ZNF483: variants seen among roughly 807,000 people sequenced by gnomAD.
ZNF483 encodes the protein zinc finger protein HIT-10.
A neutral mutation model predicts 28.6 loss-of-function variants in ZNF483; 9 were observed. That is an observed-to-expected ratio of 0.32 (90% confidence interval 0.19 to 0.55). ZNF483 has a LOEUF of 0.55. Among genes scored for constraint, ZNF483 ranks in the 20% least tolerant of loss-of-function variants. ZNF483 has a pLI of 0.93. For synonymous variants in ZNF483, 322 were observed against 306.2 expected (o/e 1.05, Z -0.54); for missense variants, 675 against 871.7 (o/e 0.77, Z 2.84).
At chr9:111,535,008 C>A (rs145887351) in intron 5 of ZNF483, among the ~76,000 whole-genome samples, 225 of 152,236 alleles carry the variant, frequency 1.5e-3, no homozygotes, top group African/African-American at 5.3e-3. Flanking sequence ...CAGGTATGAG[C>A]CACCACGCCC....
At chr9:111,562,576 CT>C (rs1378011625) in intron 5 of ZNF483, 8 of 150,000 alleles carry the variant, frequency 5.3e-5, no homozygotes, top group Non-Finnish European at 7.4e-5. Flanking sequence ...GCCCGGCTAA[CT>C]TTTTTTTTTA....
rs1487570179 is a variant in ZNF483 at position 111,574,780 on chromosome 9, T to C, written c.722-1585T>C. On this transcript the variant is annotated intron_variant, in intron 5 of 5. Coordinates refer to the ZNF483 transcript ENST00000358151. ...TGTTATATGTAGAGATGGCTCCACA[T>C]ATGGCAATCCTTCCAAATTTCTTCA... The C allele has an allele frequency of 2.5e-6, 4 of 1,614,042 alleles. No homozygotes were observed. The Admixed American group carries it at 5.0e-5, about 20-fold the overall frequency.
chr9:111,546,805 A>T lies in ZNF483; in HGVS notation c.*3635A>T, dbSNP rs1235159397. Among the ~76,000 whole-genome samples, 1 of 152,090 alleles carries T rather than the reference A, an allele frequency of 6.6e-6. No individual in the cohort carries two copies. Among genetic ancestry groups the T allele is most frequent in the Non-Finnish European group, 1.5e-5 (1 of 67,998 alleles). On this transcript the variant is annotated 3_prime_UTR_variant, in exon 6 of 6. Coordinates refer to ENST00000309235, the MANE Select transcript of ZNF483 (RefSeq NM_133464.5). ...TCTCCAGAACTTTTTCATCATCCCA[A>T]ACTGAAACTCTGTACTCCTTAAACA...
downstream of ZNF483, among the ~76,000 whole-genome samples, chr9:111,556,860 T>C (rs530091425): frequency 9.8e-5 from 15 of 152,366 alleles, no homozygotes; most frequent in South Asian, 3.1e-3. Context: ...CTGTATAGCC[T>C]GCGGAACTGA....
exon 6 of ZNF483, chr9:111,577,283 T>C (rs1180333384): frequency 6.6e-6 from 1 of 152,032 alleles, no homozygotes; most frequent in Non-Finnish European, 1.5e-5. Flanking sequence ...CCTACTAGGA[T>C]GGTTATAATA....
At chr9:111,541,587 A>G (rs1238417336) in intron 5 of ZNF483, 70 bp from the exon 6 acceptor site, 48 of 1,302,678 alleles carry the variant, frequency 3.7e-5, no homozygotes, top group Admixed American at 4.9e-5. Context: ...ATGTGTTCCT[A>G]TTTCAGACCC....
At position 111,552,234 on chromosome 9, in the gene ZNF483, G is replaced by GT. The variant is rs1439869047; in HGVS notation, c.*9065dup. 1.3e-5 allele frequency among the ~76,000 whole-genome samples: 2 copies of GT among 152,068 alleles called. No homozygotes were observed. The highest frequency in any genetic ancestry group is 4.8e-5 in the African/African-American group (2 of 41,412). On this transcript the variant is annotated 3_prime_UTR_variant, in exon 6 of 6. Transcript: ENST00000309235. ...CAGGAAATCCTTATAAAATTCTTTT[G>GT]TAAGTCATCCAGGTAACATTGGTAA...
In ZNF483 at chr9:111,553,569, AATC is replaced by A. The variant is rs764874036; in HGVS notation, c.*10401_*10403del. ...TAGAAAAAAAAATCATCTGAACTCA[AATC>A]AATCTGTTGATACTGACTAGATTGG... is the stretch of plus-strand genomic sequence containing the variant. On this transcript the variant is annotated 3_prime_UTR_variant, in exon 6 of 6. Coordinates refer to ENST00000309235, the MANE Select transcript of ZNF483 (RefSeq NM_133464.5). 1.3e-5 allele frequency among the ~76,000 whole-genome samples: 2 copies of A among 152,228 alleles called. No homozygotes were observed. Among genetic ancestry groups the A allele is most frequent in the Non-Finnish European group, 2.9e-5 (2 of 68,034 alleles).
intron 5 of ZNF483, among the ~76,000 whole-genome samples, chr9:111,535,871 A>G (rs1006490569): frequency 2.7e-5 from 4 of 147,536 alleles, no homozygotes; most frequent in Non-Finnish European, 1.5e-5. Flanking sequence ...ATACTTACCT[A>G]TATCTTACAA....
chr9:111,533,871 G>A lies in ZNF483; in HGVS notation c.628+6G>A. On this transcript the variant is annotated splice_donor_region_variant and intron_variant, in intron 4 of 5. Transcript: ENST00000309235. ...CAGGAACCTAGAATTTCTGGGTAAA[G>A]ACACCTTTTCTTCATTACCTAGCGT... The A allele has an allele frequency of 6.3e-7, 1 of 1,588,204 alleles. No individual in the cohort carries two copies. The highest frequency in any genetic ancestry group is 2.3e-5 in the East Asian group (1 of 44,354).
chr9:111,544,650 T>A lies in ZNF483; in HGVS notation c.*1480T>A, dbSNP rs1256665142. ...CTAAAATCTAAAGAGACTGCACTGA[T>A]AGCAAGTAAAGTTCAGGGAATGAAT... On this transcript the variant is annotated 3_prime_UTR_variant, in exon 6 of 6. Coordinates refer to ENST00000309235, the MANE Select transcript of ZNF483 (RefSeq NM_133464.5). 6.6e-6 allele frequency among the ~76,000 whole-genome samples: 1 copy of A among 152,130 alleles called. No individual in the cohort carries two copies. Among genetic ancestry groups the A allele is most frequent in the African/African-American group, 2.4e-5 (1 of 41,422 alleles).
chr9:111,568,158 C>A (rs1157110777), intron 5 of ZNF483, among the ~76,000 whole-genome samples: 1 of 152,154 alleles, frequency 6.6e-6, no homozygotes, highest in East Asian at 1.9e-4. Flanking sequence ...TTGGGAAAAA[C>A]ACAGCCATAT....
chr9:111,571,231 G>T (rs1392650951), intron 5 of ZNF483, among the ~76,000 whole-genome samples: 2 of 149,188 alleles, frequency 1.3e-5, no homozygotes, highest in Non-Finnish European at 3.0e-5. Context: ...GGCCAACATG[G>T]TGAAACCCTG....
At position 111,544,056 on chromosome 9, in the gene ZNF483, C is replaced by A; in HGVS notation, c.*886C>A. On this transcript the variant is annotated 3_prime_UTR_variant, in exon 6 of 6. Coordinates refer to ENST00000309235, the MANE Select transcript of ZNF483 (RefSeq NM_133464.5). Reference sequence around the variant, plus strand: ...CTTTTCCTTGAGGGAGTATTTTAATCGGACAAGGGAACTCTTTTTCTTTTG... The same window carrying A: ...CTTTTCCTTGAGGGAGTATTTTAATAGGACAAGGGAACTCTTTTTCTTTTG... The A allele has an allele frequency of 1.0e-6, 1 of 985,352 alleles. No individual in the cohort carries two copies. Among genetic ancestry groups the A allele is most frequent in the Non-Finnish European group, 1.2e-6 (1 of 829,926 alleles). The allele number at this position is 985,352 out of a possible 1,614,324, so 61.0% of individuals were successfully genotyped here.
At chr9:111,528,119 C>A in intron 2 of ZNF483, 1 of 1,144,202 alleles carries the variant, frequency 8.7e-7, no homozygotes. Flanking sequence ...CCTTCAAGAA[C>A]ACAAGTTATC....
Position 111,549,643 on chromosome 9 carries a change from G to T in ZNF483, c.*6473G>T. 8.0e-7 allele frequency: 1 copy of T among 1,243,174 alleles called. No individual in the cohort carries two copies. The highest frequency in any genetic ancestry group is 1.1e-6 in the Non-Finnish European group (1 of 887,072). The allele number at this position is 1,243,174 out of a possible 1,614,324, so 77.0% of individuals were successfully genotyped here. ...GCTCTTCTGGGGCAGCGGTCGTGGT[G>T]GTGGTGGCAGCGGCAGCAGGGTTCC... On this transcript the variant is annotated 3_prime_UTR_variant, in exon 6 of 6. Transcript: ENST00000309235.
chr9:111,530,784 TATATATATATATATATAC>T (rs1286859187), intron 2 of ZNF483, 73 bp from the exon 3 acceptor site: 1,163 of 84,262 alleles, frequency 0.014, 41 homozygotes, highest in African/African-American at 0.019. Context: ...TATATATATA[TATATATATATATATATAC>T]ATATATATAT....
downstream of ZNF483, among the ~76,000 whole-genome samples, chr9:111,556,770 T>A (rs1273428430): frequency 6.6e-6 from 1 of 152,230 alleles, no homozygotes; most frequent in Non-Finnish European, 1.5e-5. Flanking sequence ...TCTCCCCTGC[T>A]GCCATGTGAA....
rs1827778601 is a variant in ZNF483, at chr9:111,545,182, A to G, written c.*2012A>G. 6.6e-6 allele frequency among the ~76,000 whole-genome samples: 1 copy of G among 152,212 alleles called. No individual in the cohort carries two copies. The highest frequency in any genetic ancestry group is 1.5e-5 in the Non-Finnish European group (1 of 68,028). The stretch of plus-strand genomic sequence containing the variant: ...GAATCACATCCTAGCCATGAAAGGA[A>G]TGTTTATTATGAGAATCATTCATAA... On this transcript the variant is annotated 3_prime_UTR_variant, in exon 6 of 6. Transcript: ENST00000309235.
Sources: allele counts gnomAD v4.1 joint callset (sites outside exome capture counted in the v4.1 genomes callset), GRCh38; gene constraint gnomAD v4.1.1; transcripts MANE v1.5; gene names NCBI Gene and HGNC (gene_info 2026-07-23, HGNC 2026-07-21).